The following RBFOX1 variants were observed in gnomAD, a reference collection of about 807,000 sequenced individuals.
The protein encoded by RBFOX1 is RNA binding fox-1 homolog 1, also known as RNA binding protein fox-1 homolog 1.
RBFOX1 carries 8 observed loss-of-function variants against 57.7 expected under a neutral mutation model. The ratio of observed to expected loss-of-function variants is 0.14; its 90% CI spans 0.08 to 0.25. The LOEUF is 0.25. Ranked by LOEUF, RBFOX1 falls within the 10% of genes least tolerant of loss-of-function variation. The probability of loss-of-function intolerance (pLI) is 1.00; values close to 1 mark genes in which losing one functional copy is unlikely to be tolerated. For synonymous variants in RBFOX1, 326 were observed against 222.4 expected, an observed-to-expected ratio of 1.47 and a Z score of -4.15; for missense variants, 611 against 548.5, an observed-to-expected ratio of 1.11 and a Z score of -1.14.
intron 3 of RBFOX1, among the ~76,000 whole-genome samples, chr16:5,607,843 A>G (rs1366620541): frequency 1.3e-5 from 2 of 152,196 alleles, no homozygotes; most frequent in African/African-American, 4.8e-5. Context: ...AGAATCACCT[A>G]TGCTACTGTA....
At position 7,594,047 on chromosome 16, in the gene RBFOX1, A is replaced by G. The variant is rs532660949; in HGVS notation, c.469-1502A>G. ...CTGTGCAGGTTTGTTACATAGGTAT[A>G]CGTGTGCCATATTGGTTTGCTGCAC... On this transcript the variant is annotated intron_variant, in intron 7 of 15. Coordinates refer to ENST00000550418, the MANE Select transcript of RBFOX1 (RefSeq NM_018723.4). Among the ~76,000 whole-genome samples the G allele has an allele frequency of 4.6e-5, 7 of 152,192 alleles. No homozygotes were observed. In the South Asian group the frequency reaches 1.2e-3, roughly 27 times the overall value.
At chr16:5,296,896 C>G (rs567430664) in intron 1 of RBFOX1, among the ~76,000 whole-genome samples, 105 of 152,048 alleles carry the variant, frequency 6.9e-4, no homozygotes, top group Non-Finnish European at 1.2e-3. Flanking sequence ...TCAGGCTGGT[C>G]TCGAACTCCT....
chr16:6,606,253 AT>A (rs1462349416), intron 2 of RBFOX1, among the ~76,000 whole-genome samples: 1 of 152,044 alleles, frequency 6.6e-6, no homozygotes, highest in Non-Finnish European at 1.5e-5. Context: ...TGCCTTTGAT[AT>A]TTTTTCCAAG....
chr16:5,246,629 A>T (rs2062306652), intron 1 of RBFOX1, among the ~76,000 whole-genome samples: 1 of 151,232 alleles, frequency 6.6e-6, no homozygotes, highest in African/African-American at 2.4e-5. Context: ...GACAACCATC[A>T]TTCTACTCTG....
At chr16:5,714,357 C>T (rs967810700) in intron 3 of RBFOX1, among the ~76,000 whole-genome samples, 1 of 152,194 alleles carries the variant, frequency 6.6e-6, no homozygotes, top group Non-Finnish European at 1.5e-5. Flanking sequence ...CTGCTCCCAT[C>T]ATGATGAGAA....
intron 3 of RBFOX1, among the ~76,000 whole-genome samples, chr16:7,039,627 G>C (rs796481447): frequency 6.6e-6 from 1 of 152,116 alleles, no homozygotes; most frequent in Non-Finnish European, 1.5e-5. Flanking sequence ...CGCCATGACC[G>C]GTGGTGGGAT....
At chr16:5,332,970 G>C (rs1462565004) in intron 1 of RBFOX1, among the ~76,000 whole-genome samples, 2 of 152,130 alleles carry the variant, frequency 1.3e-5, no homozygotes, top group Non-Finnish European at 2.9e-5. Context: ...CGGATCACCT[G>C]AGGTCAGGAG....
chr16:5,297,853 C>G (rs1214607118), intron 1 of RBFOX1, among the ~76,000 whole-genome samples: 3 of 152,198 alleles, frequency 2.0e-5, no homozygotes, highest in African/African-American at 7.2e-5. Context: ...CACTTATTCC[C>G]TTTTAAATTC....
At chr16:5,246,556 C>G (rs764070312) in intron 1 of RBFOX1, among the ~76,000 whole-genome samples, 2 of 152,154 alleles carry the variant, frequency 1.3e-5, no homozygotes, top group Non-Finnish European at 2.9e-5. Flanking sequence ...ATCTCTTGAA[C>G]TTATTCTTCC....
intron 1 of RBFOX1, among the ~76,000 whole-genome samples, chr16:5,391,540 A>T (rs947989038): frequency 6.6e-6 from 1 of 151,978 alleles, no homozygotes; most frequent in African/African-American, 2.4e-5. Flanking sequence ...CCTTTATTCC[A>T]TCTGTGGCTT....
intron 2 of RBFOX1, among the ~76,000 whole-genome samples, chr16:6,403,704 A>C (rs1389788718): frequency 1.3e-5 from 2 of 152,204 alleles, no homozygotes; most frequent in Non-Finnish European, 2.9e-5. Flanking sequence ...TTGGACCCTC[A>C]AGTGCATCTG....
intron 4 of RBFOX1, among the ~76,000 whole-genome samples, chr16:7,352,800 C>T (rs1201754961): frequency 6.6e-6 from 1 of 152,094 alleles, no homozygotes; most frequent in African/African-American, 2.4e-5. Flanking sequence ...ACTGCAGCTT[C>T]GACCTCTTGG....
At chr16:7,237,747 T>A (rs1459526077) in intron 4 of RBFOX1, among the ~76,000 whole-genome samples, 1 of 152,242 alleles carries the variant, frequency 6.6e-6, no homozygotes, top group East Asian at 1.9e-4. Context: ...GGCTCTAGCC[T>A]GCAATCCCAA....
intron 3 of RBFOX1, among the ~76,000 whole-genome samples, chr16:5,731,334 A>G (rs561306217): frequency 1.3e-5 from 2 of 152,194 alleles, no homozygotes; most frequent in Non-Finnish European, 2.9e-5. Flanking sequence ...CACCACCACT[A>G]CTGTAATCAC....
chr16:7,615,724 G>A (rs1309361906), intron 10 of RBFOX1, among the ~76,000 whole-genome samples: 2 of 152,112 alleles, frequency 1.3e-5, no homozygotes, highest in Non-Finnish European at 2.9e-5. Flanking sequence ...GGGTGGTGGT[G>A]GGGGCGGGGA....
intron 2 of RBFOX1, among the ~76,000 whole-genome samples, chr16:6,345,364 A>T (rs1474881299): frequency 2.0e-5 from 3 of 152,200 alleles, no homozygotes; most frequent in African/African-American, 7.2e-5. Context: ...CCCACTTTTA[A>T]TTACATGGAA....
chr16:5,636,546 G>C (rs1341054889), intron 3 of RBFOX1, among the ~76,000 whole-genome samples: 3 of 103,550 alleles, frequency 2.9e-5, no homozygotes, highest in African/African-American at 7.5e-5. Context: ...GGCAAGGTCA[G>C]GGTTGTCATG....
chr16:5,253,808 C>T (rs2062517067), intron 1 of RBFOX1, among the ~76,000 whole-genome samples: 1 of 152,240 alleles, frequency 6.6e-6, no homozygotes. Flanking sequence ...TGCCACAGGG[C>T]CTTTGCACAT....
chr16:5,962,468 G>A (rs1036954114), intron 4 of RBFOX1, among the ~76,000 whole-genome samples: 2 of 152,022 alleles, frequency 1.3e-5, no homozygotes, highest in African/African-American at 4.8e-5. Context: ...TTCCCATTAT[G>A]TGGCATGCCT....
Sources: allele counts gnomAD v4.1 joint callset (sites outside exome capture counted in the v4.1 genomes callset), GRCh38; gene constraint gnomAD v4.1.1; transcripts MANE v1.5; gene names NCBI Gene and HGNC (gene_info 2026-07-23, HGNC 2026-07-21).